The following CNTN5 variants were observed in gnomAD, a reference collection of about 807,000 sequenced individuals.
The protein encoded by CNTN5 is contactin 5.
In CNTN5, 77 loss-of-function variants were observed where a neutral mutation model predicts 129.1. The observed-to-expected ratio is 0.60, with a 90% CI of 0.50 to 0.72. CNTN5 has a LOEUF of 0.72. CNTN5 is among the 30% of genes least tolerant of loss of function. The pLI is 0.00. For missense variants in CNTN5, 1,478 were observed against 1,328.8 expected (o/e 1.11, Z -1.75); for synonymous variants, 509 against 465.6 (o/e 1.09, Z -1.20).
chr11:100,265,605 T>G (rs1425322596), intron 17 of CNTN5, among the ~76,000 whole-genome samples: 1 of 152,132 alleles, frequency 6.6e-6, no homozygotes, highest in African/African-American at 2.4e-5. Flanking sequence ...CAATTGATAA[T>G]CTACTACTTG....
intron 1 of CNTN5, among the ~76,000 whole-genome samples, chr11:99,297,794 A>G (rs536364452): frequency 2.0e-5 from 3 of 152,236 alleles, no homozygotes; most frequent in South Asian, 4.2e-4. Context: ...AAACACAAAA[A>G]TCCCTGGGAA....
At chr11:99,360,403 G>C (rs1939024898) in intron 2 of CNTN5, among the ~76,000 whole-genome samples, 1 of 152,140 alleles carries the variant, frequency 6.6e-6, no homozygotes. Context: ...CAAACCTGTG[G>C]GAGTTCTCTG....
At chr11:99,106,360 C>T (rs1281527706) in intron 1 of CNTN5, among the ~76,000 whole-genome samples, 1 of 151,890 alleles carries the variant, frequency 6.6e-6, no homozygotes, top group Non-Finnish European at 1.5e-5. Flanking sequence ...AGTAAGAGAA[C>T]ATGTTAATGG....
chr11:100,339,185 C>T (rs1438387618), intron 21 of CNTN5, among the ~76,000 whole-genome samples: 1 of 152,126 alleles, frequency 6.6e-6, no homozygotes, highest in Admixed American at 6.5e-5. Flanking sequence ...CATGGGGCAA[C>T]TACCCTCCAC....
intron 1 of CNTN5, among the ~76,000 whole-genome samples, chr11:99,193,577 C>G (rs1285612270): frequency 2.6e-5 from 4 of 152,124 alleles, no homozygotes; most frequent in African/African-American, 9.6e-5. Flanking sequence ...TTCACTTGAG[C>G]TGTTCACCTG....
chr11:99,696,370 G>C (rs1224205680), intron 3 of CNTN5, among the ~76,000 whole-genome samples: 3 of 151,782 alleles, frequency 2.0e-5, no homozygotes, highest in African/African-American at 7.3e-5. Flanking sequence ...TGTCATTTTT[G>C]TTTGACAGAG....
chr11:99,556,592 T>TATATATA (rs1179424515), intron 3 of CNTN5, among the ~76,000 whole-genome samples: 1 of 138,678 alleles, frequency 7.2e-6, no homozygotes. Flanking sequence ...TATATATATA[T>TATATATA]ATCTCCCACA....
At chr11:99,887,692 C>G (rs1313413496) in intron 6 of CNTN5, among the ~76,000 whole-genome samples, 1 of 152,252 alleles carries the variant, frequency 6.6e-6, no homozygotes, top group Non-Finnish European at 1.5e-5. Flanking sequence ...TGGCAAATCA[C>G]TGGTGTAAGT....
chr11:99,255,726 T>C (rs1470520514), intron 1 of CNTN5, among the ~76,000 whole-genome samples: 1 of 151,340 alleles, frequency 6.6e-6, no homozygotes, highest in Non-Finnish European at 1.5e-5. Context: ...AAAATAAAAA[T>C]ATGGTCATTA....
chr11:99,915,331 T>C (rs1372052866), intron 6 of CNTN5, among the ~76,000 whole-genome samples: 1 of 152,094 alleles, frequency 6.6e-6, no homozygotes, highest in African/African-American at 2.4e-5. Context: ...CATTTTCTTT[T>C]TAGGAAAATC....
chr11:99,560,636 A>C (rs1391628627), intron 3 of CNTN5, among the ~76,000 whole-genome samples: 1 of 152,156 alleles, frequency 6.6e-6, no homozygotes, highest in East Asian at 1.9e-4. Flanking sequence ...GTTAGGGGAT[A>C]AACAGACTTA....
intron 13 of CNTN5, among the ~76,000 whole-genome samples, chr11:100,163,525 T>C (rs1020755438): frequency 6.6e-6 from 1 of 151,864 alleles, no homozygotes; most frequent in Non-Finnish European, 1.5e-5. Flanking sequence ...ATCAAGCAAC[T>C]ATTTTCTGGA....
chr11:99,718,985 A>G (rs1943077045), intron 3 of CNTN5, among the ~76,000 whole-genome samples: 1 of 152,112 alleles, frequency 6.6e-6, no homozygotes, highest in South Asian at 2.1e-4. Context: ...AGAAAAAATG[A>G]TAGAGTGATG....
chr11:100,336,469 ATTATT>A (rs1952040687), intron 21 of CNTN5, among the ~76,000 whole-genome samples: 1 of 152,214 alleles, frequency 6.6e-6, no homozygotes. Flanking sequence ...AAAAAGTATA[ATTATT>A]TTAAATACAT....
At chr11:99,631,845 A>G (rs1473220612) in intron 3 of CNTN5, among the ~76,000 whole-genome samples, 1 of 152,170 alleles carries the variant, frequency 6.6e-6, no homozygotes, top group African/African-American at 2.4e-5. Context: ...ACCTGTGGTT[A>G]CTTGTGGTCT....
intron 3 of CNTN5, among the ~76,000 whole-genome samples, chr11:99,616,180 G>T (rs184541154): frequency 6.6e-5 from 10 of 152,238 alleles, no homozygotes; most frequent in African/African-American, 2.4e-4. Flanking sequence ...AATCACTCTT[G>T]CTACCCTTTT....
At chr11:99,290,446 T>C (rs1864120294) in intron 1 of CNTN5, among the ~76,000 whole-genome samples, 1 of 151,844 alleles carries the variant, frequency 6.6e-6, no homozygotes, top group Non-Finnish European at 1.5e-5. Flanking sequence ...ACCAAAGTGA[T>C]TTAAGGCTAC....
At chr11:99,789,234 A>G (rs1328211013) in intron 3 of CNTN5, among the ~76,000 whole-genome samples, 1 of 151,918 alleles carries the variant, frequency 6.6e-6, no homozygotes, top group Non-Finnish European at 1.5e-5. Flanking sequence ...ATTTTGTACC[A>G]GACAATGTAC....
At chr11:99,775,181 G>A (rs539229088) in intron 3 of CNTN5, among the ~76,000 whole-genome samples, 3 of 152,178 alleles carry the variant, frequency 2.0e-5, no homozygotes, top group Non-Finnish European at 1.5e-5. Context: ...ATTTACCTTT[G>A]AGTGATAATA....
Sources: allele counts gnomAD v4.1 joint callset (sites outside exome capture counted in the v4.1 genomes callset), GRCh38; gene constraint gnomAD v4.1.1; transcripts MANE v1.5; gene names NCBI Gene and HGNC (gene_info 2026-07-23, HGNC 2026-07-21).